The following HERC1 variants were observed in gnomAD, a reference collection of about 807,000 sequenced individuals.
HERC1 encodes the protein HECT and RLD domain containing E3 ubiquitin protein ligase family member 1.
Under a neutral mutation model 554.3 loss-of-function variants are expected in HERC1, and 160 were observed. That is an observed-to-expected ratio of 0.29 (90% confidence interval 0.25 to 0.33). HERC1 has a LOEUF of 0.33. Among genes scored for constraint, HERC1 ranks in the 10% least tolerant of loss-of-function variants. HERC1 has a pLI of 1.00. For missense variants in HERC1, 4,919 were observed against 5,918.5 expected (o/e 0.83, Z 5.54); for synonymous variants, 2,175 against 2,131.7 (o/e 1.02, Z -0.56).
At chr15:63,700,166 TTTAAAA>T (rs1286336349) in intron 25 of HERC1, among the ~76,000 whole-genome samples, 2 of 152,162 alleles carry the variant, frequency 1.3e-5, no homozygotes, top group Non-Finnish European at 2.9e-5. Context: ...GTCGTTGACT[TTTAAAA>T]AAGAGTATCA....
intron 8 of HERC1, among the ~76,000 whole-genome samples, chr15:63,751,465 C>T (rs1290284440): frequency 6.6e-6 from 1 of 152,154 alleles, no homozygotes; most frequent in South Asian, 2.1e-4. Context: ...AGTGACACAT[C>T]ACTGTAATAC....
chr15:63,726,094 G>A (rs1046470453), intron 17 of HERC1, among the ~76,000 whole-genome samples: 1 of 152,130 alleles, frequency 6.6e-6, no homozygotes, highest in Non-Finnish European at 1.5e-5. Context: ...CAATTCTCCT[G>A]TCTCAGCCTC....
At chr15:63,682,153 G>A (rs1264266733) in intron 34 of HERC1, among the ~76,000 whole-genome samples, 1 of 152,142 alleles carries the variant, frequency 6.6e-6, no homozygotes, top group African/African-American at 2.4e-5. Flanking sequence ...TACCTAGGTG[G>A]CTATGGAGTT....
intron 48 of HERC1, among the ~76,000 whole-genome samples, chr15:63,657,784 C>G (rs1418342778): frequency 1.3e-5 from 2 of 152,112 alleles, no homozygotes; most frequent in East Asian, 3.9e-4. Flanking sequence ...ATCTAATAGC[C>G]ACTTTATAAC....
intron 74 of HERC1, among the ~76,000 whole-genome samples, chr15:63,617,756 C>T (rs987783504): frequency 5.3e-5 from 8 of 152,118 alleles, no homozygotes; most frequent in Admixed American, 6.6e-5. Context: ...TCTCTGATGG[C>T]CAGTGATGAT....
At chr15:63,642,829 C>T (rs913022429) in intron 59 of HERC1, 128 bp downstream of exon 59, 11 of 627,706 alleles carry the variant, frequency 1.8e-5, no homozygotes, top group African/African-American at 9.2e-5. Flanking sequence ...AATAGTTGCA[C>T]TGTTTTGGAC....
At chr15:63,702,624 T>G (rs1337456125) in intron 25 of HERC1, among the ~76,000 whole-genome samples, 1 of 152,216 alleles carries the variant, frequency 6.6e-6, no homozygotes, top group Non-Finnish European at 1.5e-5. Context: ...ATTACTAACA[T>G]ATTTTTACAG....
chr15:63,806,202 GT>G (rs2077134413), intron 1 of HERC1, among the ~76,000 whole-genome samples: 1 of 148,974 alleles, frequency 6.7e-6, no homozygotes, highest in South Asian at 2.1e-4. Context: ...GTCTTGCTCT[GT>G]TGCCCAGGCT....
At chr15:63,637,703 G>A in intron 63 of HERC1, 60 bp from the exon 64 acceptor site, 1 of 1,360,184 alleles carries the variant, frequency 7.4e-7, no homozygotes, top group South Asian at 1.4e-5. Context: ...TAACATGCAA[G>A]CACTTGAAAT....
chr15:63,750,920 G>C, intron 8 of HERC1, among the ~76,000 whole-genome samples: 1 of 152,206 alleles, frequency 6.6e-6, no homozygotes, highest in Non-Finnish European at 1.5e-5. Flanking sequence ...CTGAGCAAAA[G>C]AGTGAGACCC....
intron 1 of HERC1, among the ~76,000 whole-genome samples, chr15:63,826,712 C>T (rs1331286644): frequency 2.1e-5 from 3 of 144,058 alleles, no homozygotes; most frequent in African/African-American, 5.1e-5. Context: ...AACCAACCAT[C>T]TGCAAGCATT....
chr15:63,622,804 G>A lies in HERC1; in HGVS notation c.13688+11C>T, dbSNP rs143397892. 162 of 1,583,460 alleles carry A rather than the reference G, an allele frequency of 1.0e-4. No homozygotes were observed. The African/African-American group carries it at 1.8e-3, about 17-fold the overall frequency. Reference sequence around the variant, plus strand: ...TTTAGACATATAATGAACACTTGCTGACTGCCATACCTGTCCCTATTGTAA... The same window carrying A: ...TTTAGACATATAATGAACACTTGCTAACTGCCATACCTGTCCCTATTGTAA... On this transcript the variant is annotated intron_variant, in intron 74 of 77. Transcript: ENST00000443617.
intron 14 of HERC1, among the ~76,000 whole-genome samples, chr15:63,730,227 G>A (rs2140949648): frequency 6.6e-6 from 1 of 151,734 alleles, no homozygotes; most frequent in Non-Finnish European, 1.5e-5. Flanking sequence ...GGCCGAGGTG[G>A]AAAGACTGCC....
intron 24 of HERC1, 61 bp downstream of exon 24, chr15:63,712,714 C>T (rs75229626): frequency 6.7e-7 from 1 of 1,495,230 alleles, no homozygotes; most frequent in Non-Finnish European, 9.1e-7. Flanking sequence ...CTAACCAAAG[C>T]CTTACATATC....
intron 60 of HERC1, 51 bp from the exon 61 acceptor site, chr15:63,640,496 T>C: frequency 6.9e-7 from 1 of 1,445,008 alleles, no homozygotes; most frequent in Non-Finnish European, 9.6e-7. Flanking sequence ...TGCCAAATAT[T>C]CTAAATTAAC....
At chr15:63,684,155 G>A (rs2071623351) in intron 34 of HERC1, among the ~76,000 whole-genome samples, 1 of 152,162 alleles carries the variant, frequency 6.6e-6, no homozygotes. Context: ...TTAAGAGATT[G>A]TATTCTCAAT....
chr15:63,666,682 G>C (rs2070659358), intron 40 of HERC1, among the ~76,000 whole-genome samples: 1 of 152,018 alleles, frequency 6.6e-6, no homozygotes. Context: ...TTTGTGTAGA[G>C]GTACTATAAG....
intron 24 of HERC1, among the ~76,000 whole-genome samples, chr15:63,711,658 A>C (rs2073299315): frequency 6.6e-6 from 1 of 152,328 alleles, no homozygotes; most frequent in Non-Finnish European, 1.5e-5. Context: ...TTCATACAAC[A>C]GAGGAATTTC....
chr15:63,612,687 G>T lies in HERC1; in HGVS notation c.14095-131C>A, dbSNP rs193220665. On this transcript the variant is annotated intron_variant, in intron 76 of 77. Coordinates refer to ENST00000443617, the MANE Select transcript of HERC1 (RefSeq NM_003922.4). This position sits in a 1 kb window ranked among gnomAD's most constrained non-coding sequence, Gnocchi z 5.0. ...AGACCCTCTACTTGTTTCTCAGACC[G>T]CCAGGCACGAGAGTCAGTCAAAAAG... 4.9e-6 allele frequency: 4 copies of T among 816,086 alleles called. No homozygotes were observed. The East Asian group carries it at 1.1e-4, about 22-fold the overall frequency. The allele number at this position is 816,086 out of a possible 1,614,324, so 50.6% of individuals were successfully genotyped here.
Sources: allele counts gnomAD v4.1 joint callset (sites outside exome capture counted in the v4.1 genomes callset), GRCh38; gene constraint gnomAD v4.1.1; non-coding constraint Gnocchi (gnomAD v3.1); transcripts MANE v1.5; gene names NCBI Gene and HGNC (gene_info 2026-07-23, HGNC 2026-07-21).